The following STIM1 variants were observed in gnomAD, a reference collection of about 807,000 sequenced individuals.
STIM1 encodes the protein stromal interaction molecule 1.
In STIM1, 25 loss-of-function variants were observed where a neutral mutation model predicts 74.7. The observed-to-expected ratio is 0.33, with a 90% CI of 0.24 to 0.47. STIM1 has a LOEUF of 0.47. Among genes scored for constraint, STIM1 ranks in the 20% least tolerant of loss-of-function variants. The pLI, the probability that STIM1 is intolerant of heterozygous loss-of-function variation, is 1.00. For synonymous variants in STIM1, 328 were observed against 348.8 expected (o/e 0.94, Z 0.66); for missense variants, 728 against 920.8 (o/e 0.79, Z 2.71).
At chr11:3,977,225 CTG>C (rs2093456850) in intron 2 of STIM1, among the ~76,000 whole-genome samples, 1 of 152,162 alleles carries the variant, frequency 6.6e-6, no homozygotes, top group African/African-American at 2.4e-5. Context: ...TGCTTAATCA[CTG>C]TGTTGAATGA....
intron 1 of STIM1, among the ~76,000 whole-genome samples, chr11:3,894,003 C>T (rs2091978173): frequency 1.3e-5 from 2 of 152,154 alleles, no homozygotes; most frequent in Admixed American, 6.5e-5. Flanking sequence ...TGGTCTTGAA[C>T]TCCGGAGCTC....
intron 1 of STIM1, among the ~76,000 whole-genome samples, chr11:3,924,635 A>G (rs191100586): frequency 6.6e-6 from 1 of 152,322 alleles, no homozygotes; most frequent in East Asian, 1.9e-4. Context: ...AGTACTCAAC[A>G]CTTCCAGCTT....
chr11:4,083,131 G>A, intron 9 of STIM1, 132 bp from the exon 10 acceptor site: 1 of 1,188,786 alleles, frequency 8.4e-7, no homozygotes, highest in Non-Finnish European at 1.2e-6. Context: ...CTCCTGCCTT[G>A]CTCTTAAGTT....
At chr11:3,965,276 A>G (rs2958713) in intron 1 of STIM1, among the ~76,000 whole-genome samples, 59,408 of 152,158 alleles carry the variant, frequency 0.39, 13,248 homozygotes, top group Admixed American at 0.5. Context: ...GTTGTTTACT[A>G]TCTGGCCATT....
rs144831904 is a variant in STIM1, at chr11:4,076,301, C to T, written c.969+1622C>T. Among the ~76,000 whole-genome samples the T allele has an allele frequency of 1.1e-3, 169 of 151,782 alleles. 1 individual carries two copies. Among genetic ancestry groups the T allele is most frequent in the African/African-American group, 3.9e-3 (161 of 41,378 alleles). Reference sequence around the variant, plus strand: ...AGAAGTTCGAGACCAGCCTGGTCAACATGGCAAAAGCCCGTCTGTACTAAA... The same window carrying T: ...AGAAGTTCGAGACCAGCCTGGTCAATATGGCAAAAGCCCGTCTGTACTAAA... On this transcript the variant is annotated intron_variant, in intron 7 of 12. Coordinates refer to ENST00000526596, the MANE Select transcript of STIM1 (RefSeq NM_001382567.1).
Position 4,091,477 on chromosome 11 carries a change from C to G in STIM1, c.1830C>G (p.Ala610=). The G allele has an allele frequency of 6.2e-7, 1 of 1,614,168 alleles. No homozygotes were observed. The highest frequency in any genetic ancestry group is 8.5e-7 in the Non-Finnish European group (1 of 1,180,020). The change falls in exon 13 of 13, where the codon GCC becomes GCG. Residue 610 remains alanine, a synonymous_variant. Coordinates refer to ENST00000526596, the MANE Select transcript of STIM1 (RefSeq NM_001382567.1). ...AACTGCCTGACAGCCCTGCCCTGGC[C>G]AAGAAGGCATTACTGGCGCTGAACC... ...VEKLPDSPAL[A]KKALLALNHG...
intron 2 of STIM1, chr11:3,972,935 G>T: frequency 2.0e-6 from 1 of 510,862 alleles, no homozygotes; most frequent in South Asian, 1.4e-5. Context: ...TTTGAGGACT[G>T]ATTGTTATAA....
chr11:3,856,498 A>G, intron 1 of STIM1, 89 bp downstream of exon 1: 1 of 1,495,712 alleles, frequency 6.7e-7, no homozygotes, highest in South Asian at 1.3e-5. Flanking sequence ...CTAGGTTTGT[A>G]CATGTGAGGT....
chr11:3,990,450 C>A (rs1020542504), intron 2 of STIM1, among the ~76,000 whole-genome samples: 1 of 152,176 alleles, frequency 6.6e-6, no homozygotes, highest in African/African-American at 2.4e-5. Flanking sequence ...TGGGTACATA[C>A]ATATGAATAG....
intron 3 of STIM1, among the ~76,000 whole-genome samples, chr11:4,048,157 A>G (rs142211876): frequency 6.6e-6 from 1 of 152,302 alleles, no homozygotes; most frequent in East Asian, 1.9e-4. Context: ...TATGGATCTT[A>G]TGAGAGGACA....
intron 1 of STIM1, among the ~76,000 whole-genome samples, chr11:3,878,220 G>A (rs533270438): frequency 2.0e-5 from 3 of 152,266 alleles, no homozygotes; most frequent in Non-Finnish European, 4.4e-5. Flanking sequence ...GTTAAGGAAC[G>A]AAGAGACAGA....
chr11:4,054,918 C>T (rs1045952467), intron 3 of STIM1, among the ~76,000 whole-genome samples: 1 of 152,124 alleles, frequency 6.6e-6, no homozygotes, highest in African/African-American at 2.4e-5. Flanking sequence ...CTTCTCTGTG[C>T]CGTATGTATT....
chr11:3,902,530 T>C (rs1411948849), intron 1 of STIM1, among the ~76,000 whole-genome samples: 1 of 152,210 alleles, frequency 6.6e-6, no homozygotes, highest in Non-Finnish European at 1.5e-5. Flanking sequence ...ATTCCTCGCA[T>C]GTGCAGTTCA....
chr11:3,908,099 A>G (rs2092497821), intron 1 of STIM1, among the ~76,000 whole-genome samples: 1 of 152,190 alleles, frequency 6.6e-6, no homozygotes, highest in South Asian at 2.1e-4. Context: ...TGTTAGTTCC[A>G]TAAGAGCAGG....
intron 2 of STIM1, among the ~76,000 whole-genome samples, chr11:3,986,101 A>C (rs2093555808): frequency 6.6e-6 from 1 of 152,174 alleles, no homozygotes; most frequent in Non-Finnish European, 1.5e-5. Context: ...TTGCATATTC[A>C]TTTAAAGACT....
At chr11:4,078,109 A>G (rs2094446938) in intron 7 of STIM1, among the ~76,000 whole-genome samples, 1 of 152,220 alleles carries the variant, frequency 6.6e-6, no homozygotes, top group African/African-American at 2.4e-5. Flanking sequence ...TAAAAAAACA[A>G]TAGAGGCTCC....
rs560329074 is a variant in STIM1 at position 3,917,681 on chromosome 11, G to A, written c.140-49871G>A. On this transcript the variant is annotated intron_variant, in intron 1 of 12. Coordinates refer to ENST00000526596, the MANE Select transcript of STIM1 (RefSeq NM_001382567.1). Reference sequence around the variant, plus strand: ...AACTCCTGGACTCAAACGATCACCTGCCTTGGCCTCTCAAAGTGTTGGGAC... The same window carrying A: ...AACTCCTGGACTCAAACGATCACCTACCTTGGCCTCTCAAAGTGTTGGGAC... Among the ~76,000 whole-genome samples the A allele has an allele frequency of 2.6e-5, 4 of 152,202 alleles. No individual in the cohort carries two copies. In the South Asian group the frequency reaches 8.3e-4, roughly 32 times the overall value.
At chr11:4,011,598 T>G (rs1198181535) in intron 2 of STIM1, among the ~76,000 whole-genome samples, 2 of 152,224 alleles carry the variant, frequency 1.3e-5, no homozygotes, top group Admixed American at 6.5e-5. Flanking sequence ...TAAATTTGTT[T>G]AAGTTCTTTG....
chr11:3,903,807 A>C (rs2092405708), intron 1 of STIM1, among the ~76,000 whole-genome samples: 1 of 152,182 alleles, frequency 6.6e-6, no homozygotes, highest in Non-Finnish European at 1.5e-5. Context: ...TGAAAGACAT[A>C]GTCTGTGTCC....
Sources: allele counts gnomAD v4.1 joint callset (sites outside exome capture counted in the v4.1 genomes callset), GRCh38; gene constraint gnomAD v4.1.1; transcripts MANE v1.5; gene names NCBI Gene and HGNC (gene_info 2026-07-23, HGNC 2026-07-21).